The following PARN variants were observed in gnomAD, a reference collection of about 807,000 sequenced individuals.
PARN encodes poly(A)-specific ribonuclease PARN.
In PARN, 71 loss-of-function variants were observed where a neutral mutation model predicts 102.8. The observed-to-expected ratio is 0.69, with a 90% CI of 0.57 to 0.84. The LOEUF is 0.84. PARN is among the 40% of genes least tolerant of loss of function. The probability of loss-of-function intolerance (pLI) is 0.00; values close to 1 mark genes in which losing one functional copy is unlikely to be tolerated. For synonymous variants in PARN, 261 were observed against 252.9 expected, an observed-to-expected ratio of 1.03 and a Z score of -0.30; for missense variants, 782 against 760.9, an observed-to-expected ratio of 1.03 and a Z score of -0.33.
In PARN at chr16:14,626,985, G is replaced by A. The variant is rs1311642227; in HGVS notation, c.327+121C>T. On this transcript the variant is annotated intron_variant, in intron 5 of 23. Coordinates refer to ENST00000437198, the MANE Select transcript of PARN (RefSeq NM_002582.4). ...TGAATTTATTACCCTAAAACTGAAG[G>A]TCAAAGGTGAAATGATTTGCCCCAA... The A allele has an allele frequency of 1.4e-5, 9 of 659,006 alleles. No individual in the cohort carries two copies. The East Asian group carries it at 2.2e-4, about 16-fold the overall frequency. The allele number at this position is 659,006 out of a possible 1,614,324, so 40.8% of individuals were successfully genotyped here.
chr16:14,457,650 C>G (rs1961737035), intron 22 of PARN, among the ~76,000 whole-genome samples: 1 of 151,140 alleles, frequency 6.6e-6, no homozygotes, highest in Non-Finnish European at 1.5e-5. Flanking sequence ...ATACAAAAAA[C>G]AGCCGGGCAT....
At chr16:14,529,538 C>T (rs1966202319) in intron 21 of PARN, among the ~76,000 whole-genome samples, 1 of 152,168 alleles carries the variant, frequency 6.6e-6, no homozygotes, top group African/African-American at 2.4e-5. Context: ...TCAGCCCTGA[C>T]ATTGAAGCCC....
chr16:14,470,459 AT>A (rs1453663470), intron 22 of PARN, among the ~76,000 whole-genome samples: 1 of 126,322 alleles, frequency 7.9e-6, no homozygotes, highest in Non-Finnish European at 1.9e-5. Context: ...TATTATTATT[AT>A]TATTATTATT....
At chr16:14,621,541 G>A (rs973878565) in intron 5 of PARN, among the ~76,000 whole-genome samples, 3 of 152,090 alleles carry the variant, frequency 2.0e-5, no homozygotes, top group African/African-American at 4.8e-5. Flanking sequence ...GGCCAGACAC[G>A]GTGGCTCACG....
chr16:14,506,801 G>C (rs1567331456), intron 21 of PARN, among the ~76,000 whole-genome samples: 1 of 151,940 alleles, frequency 6.6e-6, no homozygotes, highest in Non-Finnish European at 1.5e-5. Flanking sequence ...GTCCAGCTTG[G>C]CCAATATAGT....
chr16:14,620,781 C>A (rs544075899), intron 5 of PARN, among the ~76,000 whole-genome samples: 1 of 152,268 alleles, frequency 6.6e-6, no homozygotes, highest in African/African-American at 2.4e-5. Flanking sequence ...TTGTCCTAAT[C>A]CTATGGACCA....
intron 13 of PARN, among the ~76,000 whole-genome samples, chr16:14,588,453 G>T (rs1363097990): frequency 1.3e-5 from 2 of 152,148 alleles, no homozygotes; most frequent in African/African-American, 4.8e-5. Flanking sequence ...ACTGGCAGTC[G>T]GGAGATACTT....
chr16:14,474,977 C>T (rs1291813437), intron 22 of PARN, among the ~76,000 whole-genome samples: 1 of 152,228 alleles, frequency 6.6e-6, no homozygotes, highest in Non-Finnish European at 1.5e-5. Flanking sequence ...CCACTAGCTG[C>T]AGGTGAAAAC....
intron 18 of PARN, among the ~76,000 whole-genome samples, chr16:14,569,079 G>C (rs1468064638): frequency 6.6e-6 from 1 of 151,684 alleles, no homozygotes; most frequent in Non-Finnish European, 1.5e-5. Context: ...GGGTATGGTG[G>C]CTTGAGCCTG....
chr16:14,575,853 G>A (rs1009615890), intron 18 of PARN, among the ~76,000 whole-genome samples: 20 of 152,272 alleles, frequency 1.3e-4, no homozygotes, highest in African/African-American at 3.4e-4. Flanking sequence ...CCCACATATC[G>A]TAGGAGGAAC....
chr16:14,627,958 T>C (rs1972780846), intron 3 of PARN, among the ~76,000 whole-genome samples: 1 of 152,100 alleles, frequency 6.6e-6, no homozygotes, highest in Non-Finnish European at 1.5e-5. Context: ...CACAGAGCAG[T>C]GATCACGCCA....
chr16:14,444,579 C>T (rs952893893), intron 23 of PARN, among the ~76,000 whole-genome samples: 55 of 152,116 alleles, frequency 3.6e-4, no homozygotes, highest in Admixed American at 1.2e-3. Context: ...AGGGGAAAAA[C>T]GAAAAGCTTG....
At chr16:14,451,854 A>AC (rs1453580810) in intron 22 of PARN, among the ~76,000 whole-genome samples, 5 of 84,148 alleles carry the variant, frequency 5.9e-5, no homozygotes, top group Admixed American at 1.1e-4. Context: ...AAAAAAAAAA[A>AC]AAAAAAAAAA....
At chr16:14,465,379 A>G (rs1962270128) in intron 22 of PARN, among the ~76,000 whole-genome samples, 1 of 152,220 alleles carries the variant, frequency 6.6e-6, no homozygotes, top group African/African-American at 2.4e-5. Context: ...CAATGCACCC[A>G]GCGTAAGATT....
At chr16:14,602,108 C>G (rs1970908069) in intron 11 of PARN, 1 of 151,182 alleles carries the variant, frequency 6.6e-6, no homozygotes, top group South Asian at 2.1e-4. Flanking sequence ...TTTTTTTGCA[C>G]TTTTAGTAGA....
intron 22 of PARN, among the ~76,000 whole-genome samples, chr16:14,481,801 T>C (rs1015182571): frequency 1.3e-5 from 2 of 152,172 alleles, no homozygotes; most frequent in Admixed American, 6.5e-5. Context: ...TATGTACACA[T>C]TTTTCCCATT....
intron 13 of PARN, among the ~76,000 whole-genome samples, chr16:14,590,895 A>G (rs938600036): frequency 6.6e-6 from 1 of 152,232 alleles, no homozygotes; most frequent in African/African-American, 2.4e-5. Context: ...CTGAAGGTTT[A>G]CAGATGTATA....
intron 5 of PARN, among the ~76,000 whole-genome samples, chr16:14,618,149 G>A (rs909716068): frequency 2.0e-5 from 3 of 152,134 alleles, no homozygotes; most frequent in African/African-American, 7.2e-5. Context: ...TTTGAGAACA[G>A]CCTGGTCAAC....
At chr16:14,612,090 G>GT (rs1447874410) in intron 6 of PARN, among the ~76,000 whole-genome samples, 8 of 152,102 alleles carry the variant, frequency 5.3e-5, no homozygotes, top group Non-Finnish European at 1.0e-4. Context: ...GACATAAGAC[G>GT]TAACACTTAC....
Sources: allele counts gnomAD v4.1 joint callset (sites outside exome capture counted in the v4.1 genomes callset), GRCh38; gene constraint gnomAD v4.1.1; transcripts MANE v1.5; gene names NCBI Gene and HGNC (gene_info 2026-07-23, HGNC 2026-07-21).